Variants in KMT2C observed in about 807,000 individuals in gnomAD.
KMT2C encodes the protein histone-lysine N-methyltransferase 2C.
KMT2C carries 88 observed loss-of-function variants against 507.9 expected under a neutral mutation model. The ratio of observed to expected loss-of-function variants is 0.17; its 90% CI spans 0.15 to 0.21. The LOEUF is 0.21. Among genes scored for constraint, KMT2C ranks in the 10% least tolerant of loss-of-function variants. The pLI is 1.00. For synonymous variants in KMT2C, 2,049 were observed against 2,080.8 expected (o/e 0.98, Z 0.42); for missense variants, 4,954 against 5,957.8 (o/e 0.83, Z 5.55).
chr7:152,374,378 AT>A (rs1357564839), intron 1 of KMT2C, among the ~76,000 whole-genome samples: 1 of 151,902 alleles, frequency 6.6e-6, no homozygotes, highest in Non-Finnish European at 1.5e-5. Context: ...AAAAATAATA[AT>A]TTTTAAAATG....
intron 27 of KMT2C, 75 bp from the exon 28 acceptor site, chr7:152,196,086 T>C: frequency 1.4e-6 from 1 of 692,646 alleles, no homozygotes; most frequent in Admixed American, 3.3e-5. Flanking sequence ...AAACCTAGAG[T>C]ACAGCAGATA....
At chr7:152,386,982 T>C (rs2097434633) in intron 1 of KMT2C, among the ~76,000 whole-genome samples, 1 of 152,152 alleles carries the variant, frequency 6.6e-6, no homozygotes, top group Non-Finnish European at 1.5e-5. Flanking sequence ...TGTTAAGTAT[T>C]CCTTAAAATA....
At chr7:152,224,296 A>G in intron 19 of KMT2C, 117 bp from the exon 20 acceptor site, 2 of 1,290,502 alleles carry the variant, frequency 1.5e-6, no homozygotes, top group South Asian at 2.8e-5. Flanking sequence ...TGTATGTGAA[A>G]ATTTTTCTGA....
intron 2 of KMT2C, among the ~76,000 whole-genome samples, chr7:152,341,320 G>A (rs929327064): frequency 2.6e-5 from 4 of 152,154 alleles, no homozygotes; most frequent in Non-Finnish European, 4.4e-5. Context: ...GATTTGTTAC[G>A]TGGCAATAAG....
intron 33 of KMT2C, 142 bp downstream of exon 33, chr7:152,187,120 C>T (rs2093651535): frequency 4.6e-6 from 3 of 653,410 alleles, no homozygotes. Context: ...CAAGATGTTT[C>T]TAGACATCTA....
At chr7:152,137,746 A>G (rs1263595577) in intron 58 of KMT2C, 1 of 152,234 alleles carries the variant, frequency 6.6e-6, no homozygotes, top group African/African-American at 2.4e-5. Context: ...CTCATATTAA[A>G]CTATTTACTC....
At chr7:152,292,864 A>G (rs1563751833) in intron 6 of KMT2C, among the ~76,000 whole-genome samples, 1 of 152,186 alleles carries the variant, frequency 6.6e-6, no homozygotes, top group Non-Finnish European at 1.5e-5. Flanking sequence ...ATTTAAGGTC[A>G]GGCCAAACTC....
At chr7:152,258,498 TTTG>T (rs202144630) in intron 9 of KMT2C, among the ~76,000 whole-genome samples, 18 of 151,446 alleles carry the variant, frequency 1.2e-4, no homozygotes, top group South Asian at 2.1e-4. Flanking sequence ...AGGCAGTAAG[TTTG>T]TTGTTGTTGT....
At chr7:152,376,028 G>T (rs1277000008) in intron 1 of KMT2C, among the ~76,000 whole-genome samples, 1 of 151,982 alleles carries the variant, frequency 6.6e-6, no homozygotes, top group Non-Finnish European at 1.5e-5. Context: ...GCTCAGGCTA[G>T]TCTCAAACTC....
chr7:152,165,405 G>C (rs572095755), intron 42 of KMT2C, among the ~76,000 whole-genome samples: 9 of 152,282 alleles, frequency 5.9e-5, no homozygotes, highest in Admixed American at 2.6e-4. Flanking sequence ...GTACAAATAT[G>C]CCAGATGGCA....
intron 1 of KMT2C, among the ~76,000 whole-genome samples, chr7:152,433,791 G>A (rs2097887833): frequency 6.6e-6 from 1 of 152,276 alleles, no homozygotes; most frequent in Non-Finnish European, 1.5e-5. Flanking sequence ...AGTGCACTCA[G>A]GAGCTGCACT....
At chr7:152,430,424 T>C (rs1194393640) in intron 1 of KMT2C, among the ~76,000 whole-genome samples, 1 of 151,296 alleles carries the variant, frequency 6.6e-6, no homozygotes, top group Non-Finnish European at 1.5e-5. Flanking sequence ...GTTTATTCCA[T>C]GGCAGCTAAA....
intron 31 of KMT2C, among the ~76,000 whole-genome samples, chr7:152,190,153 T>C (rs1374074889): frequency 6.6e-6 from 1 of 152,110 alleles, no homozygotes; most frequent in African/African-American, 2.4e-5. Flanking sequence ...TGTGAAAAAA[T>C]GGTCTTCCTT....
At chr7:152,236,589 CATTAAA>C (rs1164525058) in intron 15 of KMT2C, among the ~76,000 whole-genome samples, 2 of 152,312 alleles carry the variant, frequency 1.3e-5, no homozygotes, top group East Asian at 1.9e-4. Flanking sequence ...TTCTTCCTCT[CATTAAA>C]ATTAAGTCAG....
intron 1 of KMT2C, among the ~76,000 whole-genome samples, chr7:152,396,914 T>C (rs1264750238): frequency 6.6e-6 from 1 of 152,214 alleles, no homozygotes; most frequent in East Asian, 1.9e-4. Context: ...TTCCAGAATA[T>C]GTCCACACGT....
At chr7:152,198,625 C>T (rs906870243) in intron 27 of KMT2C, among the ~76,000 whole-genome samples, 1 of 152,116 alleles carries the variant, frequency 6.6e-6, no homozygotes, top group Non-Finnish European at 1.5e-5. Flanking sequence ...ACATCAAGTT[C>T]TCATACCTTT....
rs556950134 is a variant in KMT2C at position 152,269,388 on chromosome 7, G to T, written c.1013-4179C>A. Among the ~76,000 whole-genome samples, 5 of 152,298 alleles carry T rather than the reference G, an allele frequency of 3.3e-5. No individual in the cohort carries two copies. The South Asian group carries it at 1.0e-3, about 32-fold the overall frequency. ...AGGTTGGTTCCAACCCTCCCAGTCA[G>T]GGAGAAGATGTGTGGGAATACTGAA... On this transcript the variant is annotated intron_variant, in intron 7 of 58. Transcript: ENST00000262189.
rs1025602295 is a variant in KMT2C, at chr7:152,197,760, T to TA, written c.4273+1518dup. On this transcript the variant is annotated intron_variant, in intron 27 of 58. Coordinates refer to ENST00000262189, the MANE Select transcript of KMT2C (RefSeq NM_170606.3). ...TAATAGGCTACAATGAATGACATGT[T>TA]AAAAAAAAGCCTTTAGTCATTAATT... Among the ~76,000 whole-genome samples the TA allele has an allele frequency of 1.9e-3, 295 of 151,716 alleles. 1 individual carries two copies. Among genetic ancestry groups the TA allele is most frequent in the South Asian group, 7.7e-3 (37 of 4,808 alleles).
At chr7:152,160,280 G>C (rs1359737038) in intron 43 of KMT2C, among the ~76,000 whole-genome samples, 1 of 152,118 alleles carries the variant, frequency 6.6e-6, no homozygotes, top group Non-Finnish European at 1.5e-5. Flanking sequence ...GGGGTCTCCA[G>C]GGCGGCAGCA....
Sources: gnomAD v4.1 joint callset for allele counts (sites outside exome capture counted in the v4.1 genomes callset) on GRCh38, gnomAD v4.1.1 for gene constraint, MANE v1.5 for transcripts, NCBI Gene and HGNC (gene_info 2026-07-23, HGNC 2026-07-21) for gene names.